Variants in KCNMA1 observed in about 807,000 individuals in gnomAD.
KCNMA1 encodes the protein potassium calcium-activated channel subfamily M alpha 1.
KCNMA1 carries 29 observed loss-of-function variants against 140.0 expected under a neutral mutation model. The ratio of observed to expected loss-of-function variants is 0.21; its 90% CI spans 0.15 to 0.28. KCNMA1 has a LOEUF of 0.28. Among genes scored for constraint, KCNMA1 ranks in the 10% least tolerant of loss-of-function variants. The pLI is 1.00. For missense variants in KCNMA1, 880 were observed against 1,602.2 expected (o/e 0.55, Z 7.70); for synonymous variants, 612 against 611.9 (o/e 1.00, Z 0.00).
intron 14 of KCNMA1, among the ~76,000 whole-genome samples, chr10:77,042,277 C>T (rs2094762433): frequency 6.6e-6 from 1 of 152,136 alleles, no homozygotes; most frequent in South Asian, 2.1e-4. Context: ...TTTCTCCAAA[C>T]CATAAGATCT....
chr10:77,180,229 T>C (rs1174459776), intron 5 of KCNMA1, among the ~76,000 whole-genome samples: 1 of 152,248 alleles, frequency 6.6e-6, no homozygotes, highest in Non-Finnish European at 1.5e-5. Context: ...ATGCCTGAAA[T>C]GCCCCTATTT....
intron 19 of KCNMA1, among the ~76,000 whole-genome samples, chr10:76,998,902 C>T (rs1437431582): frequency 6.6e-6 from 1 of 152,208 alleles, no homozygotes; most frequent in Non-Finnish European, 1.5e-5. Context: ...TATTAATGGT[C>T]AAAGGTGAGT....
chr10:77,280,619 T>G (rs2068174637), intron 2 of KCNMA1, among the ~76,000 whole-genome samples: 1 of 151,938 alleles, frequency 6.6e-6, no homozygotes, highest in South Asian at 2.1e-4. Flanking sequence ...CTCTACCTCC[T>G]AGGCTCAAGG....
chr10:77,084,744 C>T, intron 11 of KCNMA1, 25 bp from the exon 12 acceptor site: 1 of 1,541,596 alleles, frequency 6.5e-7, no homozygotes, highest in Non-Finnish European at 9.0e-7. Flanking sequence ...GGAAAATTCA[C>T]AGAACACAAA....
intron 1 of KCNMA1, among the ~76,000 whole-genome samples, chr10:77,566,343 G>A (rs539640147): frequency 2.0e-5 from 3 of 152,294 alleles, no homozygotes; most frequent in East Asian, 1.9e-4. Context: ...AAAGTCCCTC[G>A]GCAGAAGCAC....
intron 1 of KCNMA1, among the ~76,000 whole-genome samples, chr10:77,404,866 C>T (rs1050547915): frequency 1.3e-5 from 2 of 152,002 alleles, no homozygotes; most frequent in Admixed American, 6.6e-5. Context: ...AAGACTCAAG[C>T]GTGGAACATT....
Position 77,553,044 on chromosome 10 carries a change from C to CA in KCNMA1, c.378+84220dup, listed in dbSNP as rs1361448327. Among the ~76,000 whole-genome samples the CA allele has an allele frequency of 3.5e-5, 5 of 143,002 alleles. No individual in the cohort carries two copies. In the South Asian group the frequency reaches 1.0e-3, roughly 30 times the overall value. The allele number at this position is 143,002 out of a possible 152,430, so 93.8% of individuals were successfully genotyped here. A position where few individuals can be genotyped will look rare whatever the true frequency, so the allele number is the denominator to read the frequency against. Reference sequence around the variant, plus strand: ...AGAGCAAGACCCTGTCTCAAAAAAACAAAAAACAAAACAAAACAAAAAAAC... The same window carrying CA: ...AGAGCAAGACCCTGTCTCAAAAAAACAAAAAAACAAAACAAAACAAAAAAAC... On this transcript the variant is annotated intron_variant, in intron 1 of 27. Coordinates refer to ENST00000286628, the MANE Select transcript of KCNMA1 (RefSeq NM_001161352.2).
intron 25 of KCNMA1, 113 bp downstream of exon 25, chr10:76,909,853 G>A (rs1242118363): frequency 2.7e-6 from 3 of 1,092,510 alleles, no homozygotes; most frequent in African/African-American, 3.1e-5. Flanking sequence ...TGAGCTTCTA[G>A]GAGTCTTGCT....
intron 2 of KCNMA1, among the ~76,000 whole-genome samples, chr10:77,317,910 A>C (rs373374190): frequency 6.6e-6 from 1 of 152,210 alleles, no homozygotes; most frequent in Non-Finnish European, 1.5e-5. Flanking sequence ...GGCATCCCAA[A>C]AACTAGAAAT....
At position 77,389,809 on chromosome 10, in the gene KCNMA1, C is replaced by G. The variant is rs190627489; in HGVS notation, c.540+14053G>C. ...GCTTTGCTTCTTCTCTAGAAAGGAGCAAAGAAGGAAAAGAATCATTGGAGG... is the reference window on the plus strand; with the variant it reads ...GCTTTGCTTCTTCTCTAGAAAGGAGGAAAGAAGGAAAAGAATCATTGGAGG... On this transcript the variant is annotated intron_variant, in intron 2 of 27. Coordinates refer to ENST00000286628, the MANE Select transcript of KCNMA1 (RefSeq NM_001161352.2). 2.0e-5 allele frequency among the ~76,000 whole-genome samples: 3 copies of G among 152,204 alleles called. No homozygotes were observed. In the East Asian group the frequency reaches 5.8e-4, roughly 29 times the overall value.
chr10:77,573,887 G>C (rs1004426995), intron 1 of KCNMA1, among the ~76,000 whole-genome samples: 1 of 150,370 alleles, frequency 6.7e-6, no homozygotes, highest in Admixed American at 6.6e-5. Flanking sequence ...ACCCAGGCTG[G>C]AGTGCAGTGA....
At chr10:77,014,900 G>A (rs138203090) in intron 17 of KCNMA1, among the ~76,000 whole-genome samples, 12 of 152,160 alleles carry the variant, frequency 7.9e-5, no homozygotes, top group Non-Finnish European at 1.0e-4. Context: ...CTCCCTTACT[G>A]CACACCTGCA....
At chr10:77,398,642 A>G (rs2096153242) in intron 2 of KCNMA1, among the ~76,000 whole-genome samples, 1 of 152,204 alleles carries the variant, frequency 6.6e-6, no homozygotes, top group Non-Finnish European at 1.5e-5. Flanking sequence ...CTCCCATTCT[A>G]TAAAGAAAGT....
intron 17 of KCNMA1, among the ~76,000 whole-genome samples, chr10:77,016,801 A>T (rs10509378): frequency 0.63 from 95,122 of 151,988 alleles, 30,174 homozygotes; most frequent in Middle Eastern, 0.77. Flanking sequence ...CTCCTCATTT[A>T]CTAAAACACT....
intron 3 of KCNMA1, among the ~76,000 whole-genome samples, chr10:77,213,479 GAAAC>G (rs1269518972): frequency 6.6e-6 from 1 of 152,178 alleles, no homozygotes; most frequent in Non-Finnish European, 1.5e-5. Flanking sequence ...TCACATTTCT[GAAAC>G]AGTCACTCCT....
At chr10:77,279,792 T>C (rs2067854898) in intron 2 of KCNMA1, among the ~76,000 whole-genome samples, 2 of 152,148 alleles carry the variant, frequency 1.3e-5, no homozygotes, top group South Asian at 4.1e-4. Flanking sequence ...ATAAGTCTCA[T>C]GAGATCTGAT....
intron 19 of KCNMA1, among the ~76,000 whole-genome samples, chr10:76,988,753 A>G (rs2153297586): frequency 6.6e-6 from 1 of 152,128 alleles, no homozygotes; most frequent in East Asian, 1.9e-4. Context: ...TTTCAGGGGG[A>G]TGAGGAATGA....
chr10:77,315,143 G>A (rs1017790834), intron 2 of KCNMA1, among the ~76,000 whole-genome samples: 1 of 152,162 alleles, frequency 6.6e-6, no homozygotes, highest in African/African-American at 2.4e-5. Flanking sequence ...GAAAAGGCAG[G>A]GAAGGGCATC....
intron 20 of KCNMA1, among the ~76,000 whole-genome samples, chr10:76,969,300 G>GGGAAGGAAGGAAGGAAGGAAGGAAGGAA (rs150214377): frequency 4.6e-5 from 5 of 109,288 alleles, no homozygotes; most frequent in African/African-American, 1.0e-4. Context: ...GAAGGAAGGA[G>GGGAAGGAAGGAAGGAAGGAAGGAAGGAA]GGAAGGAAGG....
Sources: allele counts gnomAD v4.1 joint callset (sites outside exome capture counted in the v4.1 genomes callset), GRCh38; gene constraint gnomAD v4.1.1; transcripts MANE v1.5; gene names NCBI Gene and HGNC (gene_info 2026-07-23, HGNC 2026-07-21).